The following MALT1 variants were observed in gnomAD, a reference collection of about 807,000 sequenced individuals.
MALT1 encodes the protein mucosa-associated lymphoid tissue lymphoma translocation protein 1.
Under a neutral mutation model 85.5 loss-of-function variants are expected in MALT1, and 36 were observed. The observed-to-expected ratio is 0.42, with a 90% CI of 0.32 to 0.56. The LOEUF (loss-of-function observed/expected upper bound fraction) is 0.56, where lower values mean the gene tolerates loss of function less well. Ranked by LOEUF, MALT1 falls within the 20% of genes least tolerant of loss-of-function variation. The pLI is 0.10. For missense variants in MALT1, 716 were observed against 981.6 expected, an observed-to-expected ratio of 0.73 and a Z score of 3.62; for synonymous variants, 359 against 361.3, an observed-to-expected ratio of 0.99 and a Z score of 0.07.
rs2055190048 is a variant in MALT1 at position 58,733,987 on chromosome 18, A to G, written c.1401-320A>G. On this transcript the variant is annotated intron_variant, in intron 11 of 16. Transcript: ENST00000649217. ...CCGAAGCAGATGTTTGGAGGTTTGG[A>G]TCCCATTTGTCTGCCATTGCCTTTC... The G allele has an allele frequency of 4.3e-6, 5 of 1,170,862 alleles. No homozygotes were observed. The African/African-American group carries it at 6.3e-5, about 15-fold the overall frequency. 72.5% of individuals were successfully genotyped at this position (1,170,862 alleles called of 1,614,324 possible).
Position 58,744,475 on chromosome 18 carries a change from T to C in MALT1, c.1891T>C (p.Tyr631His). ...KPPEIIMCDA[Y>H]VTDFPLDLDI... ...ACCGGAGATAATAATGTGTGATGCC[T>C]ACGTTACTGATTTTCCACTTGTGAG... The change falls in exon 15 of 17, where the codon TAC becomes CAC. Residue 631 changes from tyrosine to histidine, a missense_variant. Transcript: ENST00000649217. The C allele has an allele frequency of 6.2e-7, 1 of 1,602,170 alleles. No homozygotes were observed. Among genetic ancestry groups the C allele is most frequent in the South Asian group, 1.1e-5 (1 of 88,720 alleles).
At chr18:58,675,014 AG>A (rs1161722225) in intron 1 of MALT1, among the ~76,000 whole-genome samples, 1 of 152,242 alleles carries the variant, frequency 6.6e-6, no homozygotes, top group African/African-American at 2.4e-5. Flanking sequence ...GATGACTCAG[AG>A]TAAATCCTTG....
intron 1 of MALT1, chr18:58,672,415 A>C (rs1016766793): frequency 6.6e-6 from 1 of 152,230 alleles, no homozygotes; most frequent in African/African-American, 2.4e-5. Context: ...TGACTTCACC[A>C]TGAACATGAA....
At chr18:58,707,854 G>GTC (rs1468499919) in intron 4 of MALT1, among the ~76,000 whole-genome samples, 1 of 152,120 alleles carries the variant, frequency 6.6e-6, no homozygotes, top group Non-Finnish European at 1.5e-5. Context: ...CGGAATTGAG[G>GTC]GTAGAATGAG....
At chr18:58,702,567 A>G (rs1273863795) in intron 4 of MALT1, among the ~76,000 whole-genome samples, 3 of 152,214 alleles carry the variant, frequency 2.0e-5, no homozygotes, top group Admixed American at 2.0e-4. Context: ...AGAAGAGGTC[A>G]GTTTGTTATG....
chr18:58,684,837 CTA>C (rs2054377131), intron 2 of MALT1, among the ~76,000 whole-genome samples: 3 of 152,128 alleles, frequency 2.0e-5, no homozygotes, highest in East Asian at 1.9e-4. Context: ...AGAATAAAAA[CTA>C]TTTTAATTAT....
rs1173716518 is a variant in MALT1, at chr18:58,723,064, C to T, written c.1035C>T (p.Ala345=). 6.2e-7 allele frequency: 1 copy of T among 1,613,262 alleles called. No individual in the cohort carries two copies. Among genetic ancestry groups the T allele is most frequent in the East Asian group, 2.2e-5 (1 of 44,830 alleles). ...TDQPLAKDKV[A]LLIGNMNYRE... is the part of the protein sequence containing the mutation. ...TTTTCAAAGCGAAGGACAAGGTTGC[C>T]CTTTTGATAGGAAATATGAATTACC... Residue 345 remains alanine (A), a synonymous_variant, in exon 10 of 17, where the codon GCC becomes GCT. Transcript: ENST00000649217.
intron 2 of MALT1, among the ~76,000 whole-genome samples, chr18:58,684,563 C>T (rs1041747165): frequency 2.0e-5 from 3 of 151,052 alleles, no homozygotes; most frequent in Non-Finnish European, 2.9e-5. Context: ...TCTCCTGCCT[C>T]AGCCTCCCGA....
chr18:58,733,852 CTT>C (rs1309202214), intron 11 of MALT1: 62 of 1,195,830 alleles, frequency 5.2e-5, no homozygotes, highest in Non-Finnish European at 6.2e-5. Flanking sequence ...CTTTAGATGA[CTT>C]TAATAATCAC....
At chr18:58,746,543 ATGAT>A (rs1424661345) in intron 16 of MALT1, among the ~76,000 whole-genome samples, 2 of 152,210 alleles carry the variant, frequency 1.3e-5, no homozygotes, top group East Asian at 3.8e-4. Context: ...TGGAATGGGC[ATGAT>A]TGAGAATTAC....
intron 2 of MALT1, among the ~76,000 whole-genome samples, chr18:58,685,636 A>G (rs1212868623): frequency 6.6e-6 from 1 of 152,158 alleles, no homozygotes; most frequent in Non-Finnish European, 1.5e-5. Flanking sequence ...TTTGTGAAGG[A>G]GCCTCAGAGG....
chr18:58,687,185 TAAAAGA>T (rs796910359), intron 2 of MALT1, among the ~76,000 whole-genome samples: 1 of 152,214 alleles, frequency 6.6e-6, no homozygotes, highest in African/African-American at 2.4e-5. Flanking sequence ...CAATTATTCC[TAAAAGA>T]AAAATATCAA....
At position 58,727,380 on chromosome 18, in the gene MALT1, G is replaced by A. The variant is rs144785485; in HGVS notation, c.1222+4129G>A. ...GTGCGGTGGCGCAATCTCGGCTCACGGCAACCTCTGCCTCCTGGGTTCAAG... is the reference window on the plus strand; with the variant it reads ...GTGCGGTGGCGCAATCTCGGCTCACAGCAACCTCTGCCTCCTGGGTTCAAG... On this transcript the variant is annotated intron_variant, in intron 10 of 16. Coordinates refer to ENST00000649217, the MANE Select transcript of MALT1 (RefSeq NM_006785.4). 3.7e-3 allele frequency among the ~76,000 whole-genome samples: 569 copies of A among 152,012 alleles called. 4 individuals are homozygous for A. Among genetic ancestry groups the A allele is most frequent in the African/African-American group, 0.013 (552 of 41,432 alleles).
rs1171406839 is a variant in MALT1 at position 58,750,906 on chromosome 18, A to C, written c.*3064A>C. 1 of 152,254 alleles carries C rather than the reference A, an allele frequency of 6.6e-6. No individual in the cohort carries two copies. Among genetic ancestry groups the C allele is most frequent in the Non-Finnish European group, 1.5e-5 (1 of 68,042 alleles). The allele number at this position is 152,254 out of a possible 1,614,324, so 9.4% of individuals were successfully genotyped here. ...ATCAAAATTAACTTTAGCGCCTTAA[A>C]GGACACCATTAAGAAAGTGAAGTTA... is the stretch of plus-strand genomic sequence containing the variant. On this transcript the variant is annotated 3_prime_UTR_variant, in exon 17 of 17. Coordinates refer to ENST00000649217, the MANE Select transcript of MALT1 (RefSeq NM_006785.4).
rs1018303997 is a variant in MALT1 at position 58,750,379 on chromosome 18, T to C, written c.*2537T>C. On this transcript the variant is annotated 3_prime_UTR_variant, in exon 17 of 17. Transcript: ENST00000649217. ...AATTCCTATCAAAATCCTAGCTGTA[T>C]TTTTTGCAGAAATTGACAAACTGGT... 5 of 152,894 alleles carry C rather than the reference T, an allele frequency of 3.3e-5. No homozygotes were observed. The highest frequency in any genetic ancestry group is 1.2e-4 in the African/African-American group (5 of 41,476). 9.5% of individuals were successfully genotyped at this position (152,894 alleles called of 1,614,324 possible).
At chr18:58,673,332 G>T (rs1260671322) in intron 1 of MALT1, among the ~76,000 whole-genome samples, 3 of 152,230 alleles carry the variant, frequency 2.0e-5, no homozygotes, top group African/African-American at 7.2e-5. Flanking sequence ...TAAATGCTGT[G>T]TTGGGTATGA....
chr18:58,736,483 C>G (rs1000265417), intron 13 of MALT1, among the ~76,000 whole-genome samples: 3 of 151,616 alleles, frequency 2.0e-5, no homozygotes, highest in African/African-American at 7.3e-5. Context: ...TGGATTATGT[C>G]AGTTATATTC....
At position 58,748,393 on chromosome 18, in the gene MALT1, A is replaced by AATATATACAGATACATAT. The variant is rs2055402145; in HGVS notation, c.*552_*569dup. ...AGTGAAATATATTTATATATATATA[A>AATATATACAGATACATAT]ATATATACAGATACATATCTGTGTA... On this transcript the variant is annotated 3_prime_UTR_variant, in exon 17 of 17. Coordinates refer to ENST00000649217, the MANE Select transcript of MALT1 (RefSeq NM_006785.4). 5.6e-6 allele frequency: 1 copy of AATATATACAGATACATAT among 177,884 alleles called. No homozygotes were observed. The highest frequency in any genetic ancestry group is 9.3e-5 in the East Asian group (1 of 10,702). 11.0% of individuals were successfully genotyped at this position (177,884 alleles called of 1,614,324 possible). A position where few individuals can be genotyped will look rare whatever the true frequency, so the allele number is the denominator to read the frequency against.
intron 11 of MALT1, 45 bp downstream of exon 11, chr18:58,733,619 C>A (rs139677985): frequency 2.1e-6 from 3 of 1,398,354 alleles, no homozygotes. Flanking sequence ...AGTTAAATAT[C>A]GACCATGACA....
Sources: allele counts gnomAD v4.1 joint callset (sites outside exome capture counted in the v4.1 genomes callset), GRCh38; gene constraint gnomAD v4.1.1; transcripts MANE v1.5; gene names NCBI Gene and HGNC (gene_info 2026-07-23, HGNC 2026-07-21).